The following GMDS variants were observed in gnomAD, a reference collection of about 807,000 sequenced individuals.
The protein encoded by GMDS is GDP-mannose 4,6 dehydratase.
GMDS carries 20 observed loss-of-function variants against 49.9 expected under a neutral mutation model. The ratio of observed to expected loss-of-function variants is 0.40; its 90% CI spans 0.28 to 0.58. The LOEUF (loss-of-function observed/expected upper bound fraction) is 0.58. GMDS is among the 20% of genes least tolerant of loss of function. The pLI, the probability that GMDS is intolerant of heterozygous loss-of-function variation, is 0.42. For missense variants in GMDS, 362 were observed against 481.4 expected, an observed-to-expected ratio of 0.75 and a Z score of 2.32; for synonymous variants, 177 against 178.6, an observed-to-expected ratio of 0.99 and a Z score of 0.07.
At chr6:2,186,810 C>T (rs1158313352) in intron 1 of GMDS, among the ~76,000 whole-genome samples, 4 of 152,134 alleles carry the variant, frequency 2.6e-5, no homozygotes, top group South Asian at 2.1e-4. Flanking sequence ...GAGTTTAAAA[C>T]GGGTGCCTAA....
chr6:1,797,275 C>T lies in GMDS; in HGVS notation c.772-54689G>A, dbSNP rs149510100. Among the ~76,000 whole-genome samples, 348 of 152,260 alleles carry T rather than the reference C, an allele frequency of 2.3e-3. 3 individuals carry two copies. The highest frequency in any genetic ancestry group is 7.9e-3 in the African/African-American group (328 of 41,548). ...GTTTTGTCATGAAAGCGTCCCCACC[C>T]CCCAGTCAGTGGAAAAATTGTCATT... On this transcript the variant is annotated intron_variant, in intron 7 of 10. Transcript: ENST00000380815.
At chr6:1,645,957 T>A (rs1351409417) in intron 9 of GMDS, among the ~76,000 whole-genome samples, 1 of 152,244 alleles carries the variant, frequency 6.6e-6, no homozygotes, top group Non-Finnish European at 1.5e-5. Flanking sequence ...GTGCACTATA[T>A]GGACCTCTGT....
At chr6:1,829,786 G>A (rs1217425790) in intron 7 of GMDS, among the ~76,000 whole-genome samples, 3 of 152,128 alleles carry the variant, frequency 2.0e-5, no homozygotes, top group Non-Finnish European at 2.9e-5. Context: ...TGGACGGGGG[G>A]AATCAAATCA....
chr6:1,691,750 T>C (rs941385026), intron 9 of GMDS, among the ~76,000 whole-genome samples: 1 of 152,258 alleles, frequency 6.6e-6, no homozygotes, highest in African/African-American at 2.4e-5. Context: ...CTATCTGTGC[T>C]CCTATGTAAA....
chr6:2,218,039 G>GT lies in GMDS; in HGVS notation c.102+27281dup, dbSNP rs796302160. Among the ~76,000 whole-genome samples the GT allele has an allele frequency of 5.1e-4, 78 of 152,324 alleles. 1 individual carries two copies. Among genetic ancestry groups the GT allele is most frequent in the African/African-American group, 1.8e-3 (74 of 41,566 alleles). On this transcript the variant is annotated intron_variant, in intron 1 of 10. Coordinates refer to ENST00000380815, the MANE Select transcript of GMDS (RefSeq NM_001500.4). ...AATGAGCTGACAAGTGGTTTGTCAA[G>GT]TGAGTATTCACGATCACCTGTGGGG...
At chr6:1,717,823 T>C (rs1247240063) in intron 9 of GMDS, among the ~76,000 whole-genome samples, 1 of 152,344 alleles carries the variant, frequency 6.6e-6, no homozygotes, top group Middle Eastern at 3.4e-3. Flanking sequence ...CTTACACTTA[T>C]AAAAGCCCTT....
intron 1 of GMDS, among the ~76,000 whole-genome samples, chr6:2,178,743 C>T (rs537590052): frequency 6.6e-6 from 1 of 152,324 alleles, no homozygotes; most frequent in African/African-American, 2.4e-5. Context: ...AATCAAGAAA[C>T]ATAGCTGGCA....
At chr6:1,701,644 A>C (rs925493213) in intron 9 of GMDS, among the ~76,000 whole-genome samples, 1 of 152,208 alleles carries the variant, frequency 6.6e-6, no homozygotes, top group Non-Finnish European at 1.5e-5. Context: ...ACAAAACTAA[A>C]AATAATTTAT....
At chr6:2,221,928 G>T (rs1309961878) in intron 1 of GMDS, among the ~76,000 whole-genome samples, 2 of 152,136 alleles carry the variant, frequency 1.3e-5, no homozygotes, top group Non-Finnish European at 2.9e-5. Flanking sequence ...AAGCCGCCAG[G>T]TCAGTGGGAA....
At chr6:2,059,161 GTGATC>G (rs1770962557) in intron 4 of GMDS, among the ~76,000 whole-genome samples, 1 of 103,944 alleles carries the variant, frequency 9.6e-6, no homozygotes, top group African/African-American at 3.9e-5. Flanking sequence ...GGGCGACAGA[GTGATC>G]CTCTGTCTCA....
intron 4 of GMDS, among the ~76,000 whole-genome samples, chr6:2,077,750 T>C (rs1772430705): frequency 6.6e-6 from 1 of 152,074 alleles, no homozygotes. Flanking sequence ...TTTCTTTTTT[T>C]GTGTGTCCTT....
intron 7 of GMDS, among the ~76,000 whole-genome samples, chr6:1,765,891 C>CT (rs963768473): frequency 7.9e-5 from 12 of 152,142 alleles, no homozygotes; most frequent in Non-Finnish European, 1.0e-4. Flanking sequence ...TGAGAAGGCC[C>CT]TTGCGAGACT....
intron 9 of GMDS, among the ~76,000 whole-genome samples, chr6:1,671,229 T>G (rs976657251): frequency 6.6e-6 from 1 of 152,224 alleles, no homozygotes; most frequent in Non-Finnish European, 1.5e-5. Context: ...CTTCAGAGTC[T>G]GGTGGCGGCT....
intron 1 of GMDS, among the ~76,000 whole-genome samples, chr6:2,227,505 A>G (rs934791840): frequency 6.6e-6 from 1 of 152,248 alleles, no homozygotes; most frequent in Non-Finnish European, 1.5e-5. Flanking sequence ...ACAAAAAAGC[A>G]AAGTATTCTT....
intron 9 of GMDS, among the ~76,000 whole-genome samples, chr6:1,697,935 G>A (rs1305462479): frequency 6.6e-6 from 1 of 152,232 alleles, no homozygotes; most frequent in African/African-American, 2.4e-5. Context: ...CAGTATGGCT[G>A]CGGACGATCA....
At chr6:1,698,619 A>G (rs1371387068) in intron 9 of GMDS, among the ~76,000 whole-genome samples, 2 of 152,068 alleles carry the variant, frequency 1.3e-5, no homozygotes, top group Non-Finnish European at 2.9e-5. Context: ...AGCCAAGTCT[A>G]CAGGGTTGGT....
intron 7 of GMDS, among the ~76,000 whole-genome samples, chr6:1,774,314 C>T (rs945892327): frequency 5.9e-5 from 9 of 152,280 alleles, no homozygotes; most frequent in South Asian, 2.1e-4. Flanking sequence ...ACCCCCGCTG[C>T]GGAAATCACA....
intron 1 of GMDS, among the ~76,000 whole-genome samples, chr6:2,169,783 C>G (rs568554052): frequency 6.6e-5 from 10 of 152,312 alleles, no homozygotes; most frequent in African/African-American, 2.4e-4. Flanking sequence ...ACACCATCCT[C>G]AAATACTGAT....
At chr6:1,933,339 C>T (rs764015552) in intron 6 of GMDS, among the ~76,000 whole-genome samples, 3 of 152,160 alleles carry the variant, frequency 2.0e-5, no homozygotes, top group African/African-American at 7.2e-5. Context: ...CTACCATGAG[C>T]GTTCATGCCT....
Sources: gnomAD v4.1 joint callset for allele counts (sites outside exome capture counted in the v4.1 genomes callset) on GRCh38, gnomAD v4.1.1 for gene constraint, MANE v1.5 for transcripts, NCBI Gene and HGNC (gene_info 2026-07-23, HGNC 2026-07-21) for gene names.